The following SLC20A1 variants were observed in gnomAD, a reference collection of about 807,000 sequenced individuals.
SLC20A1 encodes the protein solute carrier family 20 member 1, also known as sodium-dependent phosphate transporter 1.
Under a neutral mutation model 62.7 loss-of-function variants are expected in SLC20A1, and 28 were observed. The ratio of observed to expected loss-of-function variants is 0.45; its 90% CI spans 0.33 to 0.61. The LOEUF (loss-of-function observed/expected upper bound fraction) is 0.61, where lower values mean the gene tolerates loss of function less well. Ranked by LOEUF, SLC20A1 falls within the 20% of genes least tolerant of loss-of-function variation. The probability of loss-of-function intolerance (pLI) is 0.02; values close to 1 mark genes in which losing one functional copy is unlikely to be tolerated. For missense variants in SLC20A1, 673 were observed against 838.6 expected, an observed-to-expected ratio of 0.80 and a Z score of 2.44; for synonymous variants, 305 against 302.9, an observed-to-expected ratio of 1.01 and a Z score of -0.07.
At position 112,652,711 on chromosome 2, in the gene SLC20A1, G is replaced by C. The variant is rs1343518651; in HGVS notation, c.571G>C (p.Val191Leu). 1 of 1,613,668 alleles carries C rather than the reference G, an allele frequency of 6.2e-7. No individual in the cohort carries two copies. The highest frequency in any genetic ancestry group is 1.3e-5 in the African/African-American group (1 of 74,912). ...RAFILHKADP[V>L]PNGLRALPVF... ...TAATGATGTTTTACAGGCAGATCCAGTTCCTAATGGTTTGCGAGCTTTGCC... is the reference window on the plus strand; with the variant it reads ...TAATGATGTTTTACAGGCAGATCCACTTCCTAATGGTTTGCGAGCTTTGCC... The change falls in exon 5 of 11, where the codon GTT becomes CTT. Residue 191 changes from valine to leucine, a missense_variant. By Grantham distance (32) the Val-to-Leu change is conservative. Coordinates refer to ENST00000272542, the MANE Select transcript of SLC20A1 (RefSeq NM_005415.5).
chr2:112,662,956 A>G lies in SLC20A1; in HGVS notation c.1971A>G (p.Thr657=), dbSNP rs1330309555. ...FRNIFMAWFV[T]VPISGVISAA... ...ACATTTTTATGGCCTGGTTTGTCAC[A>G]GTCCCCATTTCTGGAGTTATCAGTG... Residue 657 remains threonine, a synonymous_variant, in exon 11 of 11, where the codon ACA becomes ACG. Coordinates refer to ENST00000272542, the MANE Select transcript of SLC20A1 (RefSeq NM_005415.5). 36 of 1,614,032 alleles carry G rather than the reference A, an allele frequency of 2.2e-5. No individual in the cohort carries two copies. Among genetic ancestry groups the G allele is most frequent in the Non-Finnish European group, 3.1e-5 (36 of 1,180,018 alleles).
At chr2:112,661,291 C>T (rs1415003712) in intron 10 of SLC20A1, 65 bp downstream of exon 10, 24 of 1,233,826 alleles carry the variant, frequency 1.9e-5, no homozygotes, top group Non-Finnish European at 2.6e-5. Flanking sequence ...TTTAGTTTTA[C>T]TTCTCTGATA....
At chr2:112,654,964 ATTTTT>A (rs371613434) in intron 5 of SLC20A1, among the ~76,000 whole-genome samples, 3 of 89,382 alleles carry the variant, frequency 3.4e-5, no homozygotes, top group Admixed American at 1.6e-4. Flanking sequence ...TTTGTTTCTA[ATTTTT>A]TTTTTTTTTT....
intron 6 of SLC20A1, 53 bp from the exon 7 acceptor site, chr2:112,658,772 C>T: frequency 6.5e-7 from 1 of 1,528,336 alleles, no homozygotes; most frequent in Non-Finnish European, 8.8e-7. Flanking sequence ...AGACGTGGAA[C>T]AAAGTAGTAT....
At chr2:112,651,701 C>T (rs1686442056) in intron 4 of SLC20A1, among the ~76,000 whole-genome samples, 2 of 152,320 alleles carry the variant, frequency 1.3e-5, no homozygotes, top group South Asian at 4.1e-4. Context: ...CCACCGCGCC[C>T]AGCCTCCTCC....
Position 112,647,131 on chromosome 2 carries a change from G to T in SLC20A1, c.303G>T (p.Leu101=), listed in dbSNP as rs4849091. The T allele has an allele frequency of 6.2e-7, 1 of 1,613,394 alleles. No individual in the cohort carries two copies. The highest frequency in any genetic ancestry group is 1.7e-5 in the Admixed American group (1 of 59,980). ...DVEMYNSTQG[L]LMAGSVSAMF... ...AGATGTACAACTCGACTCAAGGGCT[G>T]CTGATGGCCGGCTCAGTCAGTGCTA... Residue 101 remains leucine, a synonymous_variant, in exon 2 of 11, where the codon CTG becomes CTT. Coordinates refer to ENST00000272542, the MANE Select transcript of SLC20A1 (RefSeq NM_005415.5).
chr2:112,648,599 A>G (rs917918276), intron 4 of SLC20A1, among the ~76,000 whole-genome samples: 8 of 152,228 alleles, frequency 5.3e-5, no homozygotes, highest in Admixed American at 4.6e-4. Context: ...GTCTAGTTGT[A>G]AGCTTCTCTA....
Position 112,647,450 on chromosome 2 carries a change from A to T in SLC20A1, c.461A>T (p.Glu154Val). The T allele has an allele frequency of 6.2e-7, 1 of 1,609,204 alleles. No homozygotes were observed. The highest frequency in any genetic ancestry group is 8.5e-7 in the Non-Finnish European group (1 of 1,178,784). ...AKGQEGVKWSELIKIVMSWFV... is the reference protein window; with the variant it reads ...AKGQEGVKWSVLIKIVMSWFV... ...GGGCAGGAGGGTGTCAAGTGGTCTG[A>T]ACTGATAAAAATTGGTATGTTTAAT... is the stretch of plus-strand genomic sequence containing the variant. Residue 154 changes from glutamate to valine, a missense_variant, in exon 3 of 11, where the codon GAA becomes GTA. Physicochemically the swap from Glu to Val is moderately radical, Grantham distance 121. Coordinates refer to ENST00000272542, the MANE Select transcript of SLC20A1 (RefSeq NM_005415.5).
intron 4 of SLC20A1, 58 bp downstream of exon 4, chr2:112,647,796 C>G: frequency 7.4e-7 from 1 of 1,360,268 alleles, no homozygotes; most frequent in Non-Finnish European, 1.1e-6. Context: ...CGATTTCAAA[C>G]CCAGTGGTAC....
chr2:112,658,614 C>T, intron 6 of SLC20A1: 1 of 504,152 alleles, frequency 2.0e-6, no homozygotes, highest in Non-Finnish European at 3.4e-6. Context: ...TTTGGGACCC[C>T]TGACATAGGG....
intron 5 of SLC20A1, 107 bp from the exon 6 acceptor site, chr2:112,657,015 G>A (rs1303848177): frequency 6.1e-6 from 8 of 1,302,126 alleles, no homozygotes; most frequent in Non-Finnish European, 8.9e-6. Context: ...GCTGTCAGGG[G>A]TGATGGGCTG....
intron 6 of SLC20A1, 70 bp downstream of exon 6, chr2:112,657,311 T>C (rs1686618776): frequency 1.4e-6 from 2 of 1,468,986 alleles, no homozygotes; most frequent in Admixed American, 1.9e-5. Flanking sequence ...TGGCCACCTG[T>C]AAAAATCTAT....
Position 112,646,812 on chromosome 2 carries a change from A to T in SLC20A1, c.-17A>T, listed in dbSNP as rs751697116. ...GCGCTCAGTAGTTCTCTTACTAAAC[A>T]ACCACTACTCCAGAGAATGGCAACG... On this transcript the variant is annotated 5_prime_UTR_variant, in exon 2 of 11. Transcript: ENST00000272542. 18 of 1,585,080 alleles carry T rather than the reference A, an allele frequency of 1.1e-5. No homozygotes were observed. The highest frequency in any genetic ancestry group is 2.7e-5 in the African/African-American group (2 of 73,618).
intron 5 of SLC20A1, 65 bp from the exon 6 acceptor site, chr2:112,657,057 G>T: frequency 5.6e-6 from 9 of 1,603,164 alleles, no homozygotes; most frequent in Non-Finnish European, 7.7e-6. Context: ...CCAGAGGAGG[G>T]TTTACACAAT....
intron 4 of SLC20A1, among the ~76,000 whole-genome samples, chr2:112,650,391 G>C (rs1686402334): frequency 6.7e-6 from 1 of 149,504 alleles, no homozygotes; most frequent in African/African-American, 2.5e-5. Context: ...GGAATGCAGT[G>C]GCACGATCTG....
In SLC20A1 at chr2:112,660,400, C is replaced by A; in HGVS notation, c.1621C>A (p.Pro541Thr). 1 of 1,613,784 alleles carries A rather than the reference C, an allele frequency of 6.2e-7. No homozygotes were observed. The change falls in exon 9 of 11, where the codon CCT (proline) becomes ACT (threonine). Residue 541 changes from proline (P) to threonine (T), a missense_variant. Transcript: ENST00000272542. ...TGTTTCTTCCAGCAATGCCATTGGG[C>A]CTCTGGTTGCTTTATATTTGGTTTA... ...GGNDVSNAIG[P>T]LVALYLVYDT...
intron 2 of SLC20A1, 56 bp from the exon 3 acceptor site, chr2:112,647,268 G>T: frequency 6.3e-7 from 1 of 1,592,368 alleles, no homozygotes; most frequent in Non-Finnish European, 8.6e-7. Context: ...TTCTGAATGT[G>T]CCACTTACAT....
chr2:112,661,087 A>AGC lies in SLC20A1; in HGVS notation c.1794-54_1794-53dup. The AGC allele has an allele frequency of 3.1e-6, 4 of 1,306,826 alleles. No homozygotes were observed. The South Asian group carries it at 3.5e-5, about 12-fold the overall frequency. The allele number at this position is 1,306,826 out of a possible 1,614,324, so 81.0% of individuals were successfully genotyped here. ...CTGTGTTAACTTGAGGTGTAGTGTT[A>AGC]GCTTCTCAAAAAAGTCAAACTCACT... is the stretch of plus-strand genomic sequence containing the variant. On this transcript the variant is annotated intron_variant, in intron 9 of 10. Transcript: ENST00000272542.
chr2:112,661,343 T>C, intron 10 of SLC20A1, 117 bp downstream of exon 10: 1 of 664,984 alleles, frequency 1.5e-6, no homozygotes. Flanking sequence ...TCTTGAAGAG[T>C]TCATAAGTTA....
Sources: gnomAD v4.1 joint callset for allele counts (sites outside exome capture counted in the v4.1 genomes callset) on GRCh38, gnomAD v4.1.1 for gene constraint, MANE v1.5 for transcripts, NCBI Gene and HGNC (gene_info 2026-07-23, HGNC 2026-07-21) for gene names.